ELOVL7: variants seen among roughly 807,000 people sequenced by gnomAD.
ELOVL7 encodes the protein very long chain fatty acid elongase 7.
A neutral mutation model predicts 35.7 loss-of-function variants in ELOVL7; 27 were observed. The ratio of observed to expected loss-of-function variants is 0.76; its 90% CI spans 0.56 to 1.04. The LOEUF is 1.04. Among genes scored for constraint, ELOVL7 ranks in the 50% least tolerant of loss-of-function variants. ELOVL7 has a pLI of 0.00. For missense variants in ELOVL7, 327 were observed against 340.8 expected, an observed-to-expected ratio of 0.96 and a Z score of 0.32; for synonymous variants, 113 against 114.6, an observed-to-expected ratio of 0.99 and a Z score of 0.09.
intron 1 of ELOVL7, among the ~76,000 whole-genome samples, chr5:60,838,862 A>T (rs1017105786): frequency 4.6e-5 from 7 of 151,954 alleles, no homozygotes; most frequent in African/African-American, 1.7e-4. Context: ...CGTCTCTACT[A>T]AAAATATAAA....
intron 2 of ELOVL7, among the ~76,000 whole-genome samples, chr5:60,791,303 G>A (rs1047881184): frequency 7.9e-5 from 12 of 152,170 alleles, no homozygotes; most frequent in Middle Eastern, 3.4e-3. Context: ...CATTTAGAGA[G>A]AGAAATTGTG....
chr5:60,813,840 C>T (rs1745374334), intron 1 of ELOVL7, among the ~76,000 whole-genome samples: 1 of 152,138 alleles, frequency 6.6e-6, no homozygotes, highest in Admixed American at 6.5e-5. Flanking sequence ...AGATAGTTAG[C>T]TGTCAGGCAA....
At chr5:60,786,011 T>G (rs2112233666) in intron 3 of ELOVL7, 1 of 152,344 alleles carries the variant, frequency 6.6e-6, no homozygotes, top group South Asian at 2.1e-4. Context: ...CTTCCTGAAT[T>G]TGGTAGACTT....
At chr5:60,784,522 T>C (rs1256181370) in intron 3 of ELOVL7, among the ~76,000 whole-genome samples, 2 of 152,218 alleles carry the variant, frequency 1.3e-5, no homozygotes, top group Non-Finnish European at 2.9e-5. Context: ...CTGTGGAATT[T>C]TTCCACATGA....
chr5:60,842,157 G>A (rs768294541), intron 1 of ELOVL7, among the ~76,000 whole-genome samples: 2 of 152,236 alleles, frequency 1.3e-5, no homozygotes, highest in Non-Finnish European at 2.9e-5. Flanking sequence ...GGGCATATGT[G>A]TTCAAAGTGG....
At position 60,752,174 on chromosome 5, in the gene ELOVL7, A is replaced by G. The variant is rs1157702495; in HGVS notation, c.*2450T>C. 6.6e-6 allele frequency: 1 copy of G among 152,218 alleles called. No homozygotes were observed. The highest frequency in any genetic ancestry group is 2.4e-5 in the African/African-American group (1 of 41,444). 9.4% of individuals were successfully genotyped at this position (152,218 alleles called of 1,614,324 possible). A position where few individuals can be genotyped will look rare whatever the true frequency, so the allele number is the denominator to read the frequency against. ...ACCACACAGAACTCTTTTAATAAATATGGCCCATACAAATTCCATATCCAG... is the reference window on the plus strand; with the variant it reads ...ACCACACAGAACTCTTTTAATAAATGTGGCCCATACAAATTCCATATCCAG... On this transcript the variant is annotated 3_prime_UTR_variant, in exon 9 of 9. Transcript: ENST00000508821.
intron 3 of ELOVL7, chr5:60,785,846 A>G (rs1344491421): frequency 2.6e-5 from 4 of 152,242 alleles, no homozygotes; most frequent in African/African-American, 9.6e-5. Flanking sequence ...CATTCCTCAA[A>G]GGAAAAACTG....
intron 1 of ELOVL7, among the ~76,000 whole-genome samples, chr5:60,824,716 G>T (rs140842859): frequency 1.3e-5 from 2 of 152,130 alleles, no homozygotes; most frequent in East Asian, 3.9e-4. Flanking sequence ...TGTCTTATCC[G>T]GATTGCTGCA....
chr5:60,797,670 G>C (rs1744346139), intron 2 of ELOVL7, among the ~76,000 whole-genome samples: 1 of 152,230 alleles, frequency 6.6e-6, no homozygotes, highest in African/African-American at 2.4e-5. Context: ...TATTGCCTGG[G>C]CAGAGTTGGG....
intron 3 of ELOVL7, among the ~76,000 whole-genome samples, chr5:60,782,733 G>A (rs1743336163): frequency 1.3e-5 from 2 of 152,146 alleles, no homozygotes; most frequent in Admixed American, 1.3e-4. Context: ...ACTTATAAAG[G>A]AGTCTAAAAT....
At chr5:60,793,306 T>C (rs1437750561) in intron 2 of ELOVL7, among the ~76,000 whole-genome samples, 3 of 152,174 alleles carry the variant, frequency 2.0e-5, no homozygotes, top group Non-Finnish European at 2.9e-5. Context: ...ATAATACTGC[T>C]ACAGTTTTTT....
chr5:60,828,354 A>T, intron 1 of ELOVL7, among the ~76,000 whole-genome samples: 1 of 152,292 alleles, frequency 6.6e-6, no homozygotes, highest in South Asian at 2.1e-4. Flanking sequence ...AAATTAACAT[A>T]TATCTTTAAG....
At chr5:60,766,032 C>T (rs1742214822) in intron 6 of ELOVL7, among the ~76,000 whole-genome samples, 1 of 152,148 alleles carries the variant, frequency 6.6e-6, no homozygotes, top group Non-Finnish European at 1.5e-5. Context: ...CAGAGGCGAT[C>T]CTCACTAGGA....
intron 7 of ELOVL7, among the ~76,000 whole-genome samples, chr5:60,761,345 T>A (rs1297159270): frequency 6.6e-6 from 1 of 152,104 alleles, no homozygotes; most frequent in Non-Finnish European, 1.5e-5. Flanking sequence ...TATTACCCCA[T>A]TGAGGAGTAC....
At chr5:60,829,947 G>A (rs1746385021) in intron 1 of ELOVL7, among the ~76,000 whole-genome samples, 1 of 152,176 alleles carries the variant, frequency 6.6e-6, no homozygotes, top group Non-Finnish European at 1.5e-5. Context: ...CTTGAATAGA[G>A]GAAACATTTA....
intron 1 of ELOVL7, among the ~76,000 whole-genome samples, chr5:60,803,685 C>G (rs1444963415): frequency 6.6e-6 from 1 of 152,092 alleles, no homozygotes; most frequent in Non-Finnish European, 1.5e-5. Flanking sequence ...CTTCCATGAA[C>G]TCATGTTGTT....
At chr5:60,768,126 C>T (rs1444237) in intron 4 of ELOVL7, among the ~76,000 whole-genome samples, 99,276 of 152,084 alleles carry the variant, frequency 0.65, 34,005 homozygotes, top group African/African-American at 0.87. Flanking sequence ...ATAAACTGTG[C>T]TCTGACTAAA....
At chr5:60,762,058 G>A (rs558130430) in intron 7 of ELOVL7, among the ~76,000 whole-genome samples, 1 of 152,128 alleles carries the variant, frequency 6.6e-6, no homozygotes, top group African/African-American at 2.4e-5. Context: ...AGACTGAACA[G>A]AAGTGCCAAT....
intron 8 of ELOVL7, among the ~76,000 whole-genome samples, chr5:60,755,972 C>T (rs1328626032): frequency 3.3e-5 from 5 of 152,050 alleles, no homozygotes; most frequent in South Asian, 2.1e-4. Flanking sequence ...TCATTTTATC[C>T]TTGTCATCAT....
Sources: allele counts gnomAD v4.1 joint callset (sites outside exome capture counted in the v4.1 genomes callset), GRCh38; gene constraint gnomAD v4.1.1; transcripts MANE v1.5; gene names NCBI Gene and HGNC (gene_info 2026-07-23, HGNC 2026-07-21).